The following RAB38 variants were observed in gnomAD, a reference collection of about 807,000 sequenced individuals.
The protein encoded by RAB38 is RAB38, member RAS oncogene family, also known as ras-related protein Rab-38.
In RAB38, 15 loss-of-function variants were observed where a neutral mutation model predicts 18.4. That is an observed-to-expected ratio of 0.82 (90% CI 0.55 to 1.26). The LOEUF (loss-of-function observed/expected upper bound fraction) is 1.26. Ranked by LOEUF, RAB38 falls within the 50% of genes most tolerant of loss-of-function variation. The probability of loss-of-function intolerance (pLI) is 0.00; values close to 1 mark genes in which losing one functional copy is unlikely to be tolerated. For missense variants in RAB38, 294 were observed against 267.4 expected (o/e 1.10, Z -0.69); for synonymous variants, 101 against 104.4 (o/e 0.97, Z 0.20).
At chr11:87,952,719 G>A in the RAB38 span, among the ~76,000 whole-genome samples, 26 of 152,298 alleles carry the variant, frequency 1.7e-4, no homozygotes, top group Non-Finnish European at 2.6e-4. Context: ...ACCAGGGATT[G>A]GAGAGTTCAG....
the RAB38 span, among the ~76,000 whole-genome samples, chr11:87,839,593 G>A: frequency 3.3e-5 from 5 of 152,148 alleles, no homozygotes; most frequent in African/African-American, 1.2e-4. Context: ...AAGTTACTTT[G>A]TAACACATCA....
At chr11:88,111,594 A>G (rs1302125948), downstream of RAB38, among the ~76,000 whole-genome samples, 3 of 152,162 alleles carry the variant, frequency 2.0e-5, no homozygotes, top group Non-Finnish European at 4.4e-5. Context: ...TCTTATTTCC[A>G]TCTTTTGGTC....
At chr11:87,875,806 T>G in the RAB38 span, among the ~76,000 whole-genome samples, 1 of 151,612 alleles carries the variant, frequency 6.6e-6, no homozygotes, top group Non-Finnish European at 1.5e-5. Flanking sequence ...AGTTGATTTT[T>G]TGCATATTGA....
At chr11:88,160,159 G>C in intron 1 of RAB38, among the ~76,000 whole-genome samples, 1 of 151,798 alleles carries the variant, frequency 6.6e-6, no homozygotes, top group African/African-American at 2.4e-5. Context: ...TAAAAAAATG[G>C]GCAAAAACAT....
chr11:87,974,215 T>C, the RAB38 span, among the ~76,000 whole-genome samples: 1 of 151,336 alleles, frequency 6.6e-6, no homozygotes, highest in Non-Finnish European at 1.5e-5. Context: ...GATGTAAGTA[T>C]GTTCTCAAGT....
the RAB38 span, among the ~76,000 whole-genome samples, chr11:87,880,722 A>G: frequency 6.6e-6 from 1 of 151,952 alleles, no homozygotes; most frequent in South Asian, 2.1e-4. Flanking sequence ...TAATAGTTCA[A>G]AAGAAACTAC....
the RAB38 span, among the ~76,000 whole-genome samples, chr11:87,863,907 T>G: frequency 2.0e-5 from 3 of 151,658 alleles, no homozygotes; most frequent in Non-Finnish European, 4.4e-5. Flanking sequence ...TATAAATGAG[T>G]GCTGCCCCAT....
At chr11:87,969,767 T>G in the RAB38 span, among the ~76,000 whole-genome samples, 1 of 152,154 alleles carries the variant, frequency 6.6e-6, no homozygotes, top group Admixed American at 6.6e-5. Context: ...CCCCATTCCA[T>G]TAGTTAGCAT....
At chr11:88,075,721 G>A in the RAB38 span, among the ~76,000 whole-genome samples, 1 of 151,708 alleles carries the variant, frequency 6.6e-6, no homozygotes. Context: ...GCTCTACAAA[G>A]AATACAAAAA....
At chr11:87,916,061 A>G in the RAB38 span, among the ~76,000 whole-genome samples, 1 of 152,146 alleles carries the variant, frequency 6.6e-6, no homozygotes, top group African/African-American at 2.4e-5. Flanking sequence ...TTGGAAGTAA[A>G]TAACTTTTAT....
intron 1 of RAB38, chr11:88,174,070 G>C (rs943656003): frequency 1.0e-6 from 1 of 985,372 alleles, no homozygotes; most frequent in Non-Finnish European, 1.2e-6. Context: ...AAATAAGACT[G>C]TTTGAAGTTG....
At chr11:88,016,254 C>A in the RAB38 span, among the ~76,000 whole-genome samples, 1 of 152,074 alleles carries the variant, frequency 6.6e-6, no homozygotes, top group Non-Finnish European at 1.5e-5. Context: ...GGCTGTCCAC[C>A]CTTGCAATGA....
the RAB38 span, among the ~76,000 whole-genome samples, chr11:87,893,485 G>A: frequency 1.3e-5 from 2 of 148,598 alleles, no homozygotes; most frequent in African/African-American, 4.9e-5. Context: ...AAGATGCTTT[G>A]TTTTCTTTAT....
rs140180063 is a variant in RAB38, at chr11:88,168,153, T to G, written c.202+7030A>C. ...TGTACCAGGTGTCATGTTCTACTTA[T>G]GCTTGGCCCAGCTTCCTCATCTATG... On this transcript the variant is annotated intron_variant, in intron 1 of 2. Transcript: ENST00000243662. 2.0e-5 allele frequency among the ~76,000 whole-genome samples: 3 copies of G among 152,318 alleles called. No individual in the cohort carries two copies. The East Asian group carries it at 5.8e-4, about 29-fold the overall frequency.
the RAB38 span, among the ~76,000 whole-genome samples, chr11:87,953,668 G>T: frequency 1.6e-3 from 243 of 152,166 alleles, 1 homozygote; most frequent in African/African-American, 5.7e-3. Flanking sequence ...TACTATCATG[G>T]TCTACATAGG....
intron 2 of RAB38, among the ~76,000 whole-genome samples, chr11:88,118,801 C>T (rs545419578): frequency 4.6e-5 from 7 of 152,204 alleles, no homozygotes; most frequent in Non-Finnish European, 8.8e-5. Flanking sequence ...CAGAAACAGG[C>T]TAAAATTCCT....
chr11:88,077,101 C>T, the RAB38 span, among the ~76,000 whole-genome samples: 1 of 150,310 alleles, frequency 6.7e-6, no homozygotes, highest in Admixed American at 6.6e-5. Flanking sequence ...AACAAAAGAT[C>T]TATACAAAGA....
At chr11:87,908,324 G>A in the RAB38 span, among the ~76,000 whole-genome samples, 2 of 151,988 alleles carry the variant, frequency 1.3e-5, no homozygotes, top group Non-Finnish European at 2.9e-5. Context: ...TGACCTCACA[G>A]AAGGGGTTTG....
At chr11:88,091,900 C>T in the RAB38 span, among the ~76,000 whole-genome samples, 1 of 151,806 alleles carries the variant, frequency 6.6e-6, no homozygotes, top group African/African-American at 2.4e-5. Flanking sequence ...CTTGGTAAAC[C>T]CACTTTCAAT....
Sources: allele counts gnomAD v4.1 joint callset (sites outside exome capture counted in the v4.1 genomes callset), GRCh38; gene constraint gnomAD v4.1.1; transcripts MANE v1.5; gene names NCBI Gene and HGNC (gene_info 2026-07-23, HGNC 2026-07-21).